CTNNA3: variants seen among roughly 807,000 people sequenced by gnomAD.
CTNNA3 encodes catenin alpha-3.
A neutral mutation model predicts 95.7 loss-of-function variants in CTNNA3; 76 were observed. That is an observed-to-expected ratio of 0.79 (90% confidence interval 0.66 to 0.96). The LOEUF (loss-of-function observed/expected upper bound fraction) is 0.96, where lower values mean the gene tolerates loss of function less well. Ranked by LOEUF, CTNNA3 falls within the 40% of genes least tolerant of loss-of-function variation. The pLI is 0.00. For missense variants in CTNNA3, 1,191 were observed against 1,089.8 expected (o/e 1.09, Z -1.31); for synonymous variants, 431 against 374.4 (o/e 1.15, Z -1.74).
intron 1 of CTNNA3, among the ~76,000 whole-genome samples, chr10:67,703,306 T>G (rs371711593): frequency 3.4e-5 from 5 of 148,610 alleles, no homozygotes; most frequent in African/African-American, 1.3e-4. Flanking sequence ...TACCAAAGCC[T>G]GGCAGAGACA....
intron 5 of CTNNA3, among the ~76,000 whole-genome samples, chr10:67,505,789 T>C (rs893843363): frequency 6.6e-6 from 1 of 152,172 alleles, no homozygotes; most frequent in Non-Finnish European, 1.5e-5. Context: ...TACAGCTCTT[T>C]TAGAACAAAG....
chr10:66,586,064 T>C (rs182867252), intron 10 of CTNNA3, among the ~76,000 whole-genome samples: 11 of 152,138 alleles, frequency 7.2e-5, no homozygotes, highest in Admixed American at 7.2e-4. Flanking sequence ...CATTGTGAAG[T>C]GTCTTTCTCA....
intron 5 of CTNNA3, among the ~76,000 whole-genome samples, chr10:67,429,071 G>A (rs1280091074): frequency 6.6e-6 from 1 of 151,920 alleles, no homozygotes; most frequent in South Asian, 2.1e-4. Context: ...TCCAGAACTT[G>A]ATTATGATGT....
chr10:67,497,771 G>A (rs1839075896), intron 5 of CTNNA3, among the ~76,000 whole-genome samples: 1 of 152,144 alleles, frequency 6.6e-6, no homozygotes, highest in Non-Finnish European at 1.5e-5. Context: ...CCCACGTTTT[G>A]ATGGGGTTGT....
rs142674347 is a variant in CTNNA3 at position 66,807,465 on chromosome 10, G to A, written c.1048-31941C>T. Reference sequence around the variant, plus strand: ...CCCTGTTTCCACCATTGTTCAAGGAGGGACTACTTTGGGAACTATCCCTGG... The same window carrying A: ...CCCTGTTTCCACCATTGTTCAAGGAAGGACTACTTTGGGAACTATCCCTGG... On this transcript the variant is annotated intron_variant, in intron 7 of 17. Coordinates refer to ENST00000433211, the MANE Select transcript of CTNNA3 (RefSeq NM_013266.4). Among the ~76,000 whole-genome samples the A allele has an allele frequency of 8.8e-3, 1,339 of 152,182 alleles. 26 individuals carry two copies. Among genetic ancestry groups the A allele is most frequent in the African/African-American group, 0.031 (1,272 of 41,528 alleles).
chr10:66,672,259 G>A (rs1344646722), intron 9 of CTNNA3, among the ~76,000 whole-genome samples: 1 of 152,078 alleles, frequency 6.6e-6, no homozygotes, highest in Admixed American at 6.6e-5. Flanking sequence ...AAAAAAAATA[G>A]TGAGTACCTA....
chr10:66,791,716 T>C (rs543135911), intron 7 of CTNNA3, among the ~76,000 whole-genome samples: 6 of 152,342 alleles, frequency 3.9e-5, no homozygotes, highest in Non-Finnish European at 7.3e-5. Context: ...GAAGCCTTCA[T>C]AATTAAGTAC....
At chr10:66,905,229 A>T (rs1042148912) in intron 7 of CTNNA3, among the ~76,000 whole-genome samples, 4 of 152,200 alleles carry the variant, frequency 2.6e-5, no homozygotes, top group Non-Finnish European at 5.9e-5. Flanking sequence ...AGGGACATCG[A>T]TGATGCTGGA....
chr10:67,313,552 AG>A (rs1840913193), intron 5 of CTNNA3, among the ~76,000 whole-genome samples: 1 of 152,222 alleles, frequency 6.6e-6, no homozygotes, highest in South Asian at 2.1e-4. Flanking sequence ...TGAAGGCAAC[AG>A]AGAGTCATTG....
chr10:66,504,558 A>G (rs2131973639), intron 11 of CTNNA3, among the ~76,000 whole-genome samples: 2 of 152,312 alleles, frequency 1.3e-5, no homozygotes, highest in East Asian at 3.9e-4. Context: ...CACAATGCCC[A>G]GGAACATGTC....
At chr10:66,144,676 C>T (rs1398904871) in intron 13 of CTNNA3, among the ~76,000 whole-genome samples, 1 of 152,006 alleles carries the variant, frequency 6.6e-6, no homozygotes. Context: ...TTAGTAGAGA[C>T]GGGGTTTCTC....
At chr10:67,012,330 A>G (rs1183818494) in intron 7 of CTNNA3, 1 of 152,152 alleles carries the variant, frequency 6.6e-6, no homozygotes, top group Non-Finnish European at 1.5e-5. Flanking sequence ...TCGGTGCCAG[A>G]TCTCCTAGAT....
intron 7 of CTNNA3, among the ~76,000 whole-genome samples, chr10:66,864,027 TA>T (rs1844064221): frequency 6.6e-6 from 1 of 152,176 alleles, no homozygotes; most frequent in Admixed American, 6.6e-5. Flanking sequence ...CTGCTTTACT[TA>T]TTTCATGAGT....
At chr10:66,213,294 C>T (rs1055352228) in intron 13 of CTNNA3, among the ~76,000 whole-genome samples, 1 of 151,582 alleles carries the variant, frequency 6.6e-6, no homozygotes, top group Non-Finnish European at 1.5e-5. Flanking sequence ...AAAAAAAATC[C>T]CCACTACATC....
intron 7 of CTNNA3, among the ~76,000 whole-genome samples, chr10:67,169,966 T>C (rs993899467): frequency 1.2e-4 from 19 of 152,062 alleles, no homozygotes; most frequent in Non-Finnish European, 1.0e-4. Flanking sequence ...GTAAAGGATA[T>C]GAACACACTT....
chr10:67,736,945 A>G (rs1008125175), intron 1 of CTNNA3, among the ~76,000 whole-genome samples: 1 of 152,008 alleles, frequency 6.6e-6, no homozygotes, highest in African/African-American at 2.4e-5. Context: ...AGAAGAAATC[A>G]TATCAAGTAC....
intron 5 of CTNNA3, among the ~76,000 whole-genome samples, chr10:67,233,718 C>T (rs1293726990): frequency 6.7e-6 from 1 of 149,706 alleles, no homozygotes; most frequent in African/African-American, 2.5e-5. Context: ...TTAATGAATC[C>T]AGGAGCTGGT....
intron 7 of CTNNA3, among the ~76,000 whole-genome samples, chr10:67,039,085 T>G (rs971459038): frequency 6.6e-6 from 1 of 152,106 alleles, no homozygotes; most frequent in Non-Finnish European, 1.5e-5. Context: ...TTACAGTTTC[T>G]ACCTGTCATT....
chr10:66,029,402 T>C (rs1467984348), intron 15 of CTNNA3, among the ~76,000 whole-genome samples: 1 of 151,878 alleles, frequency 6.6e-6, no homozygotes, highest in Non-Finnish European at 1.5e-5. Flanking sequence ...CTTACTCCAG[T>C]CTCAAAGATC....
Sources: gnomAD v4.1 joint callset for allele counts (sites outside exome capture counted in the v4.1 genomes callset) on GRCh38, gnomAD v4.1.1 for gene constraint, MANE v1.5 for transcripts, NCBI Gene and HGNC (gene_info 2026-07-23, HGNC 2026-07-21) for gene names.